RAD54B: variants seen among roughly 807,000 people sequenced by gnomAD.
The protein encoded by RAD54B is DNA repair and recombination protein RAD54B.
In RAD54B, 78 loss-of-function variants were observed where a neutral mutation model predicts 95.8. The ratio of observed to expected loss-of-function variants is 0.81; its 90% CI spans 0.68 to 0.98. The LOEUF (loss-of-function observed/expected upper bound fraction) is 0.98, where lower values mean the gene tolerates loss of function less well. Ranked by LOEUF, RAD54B falls within the 50% of genes least tolerant of loss-of-function variation. The pLI, the probability that RAD54B is intolerant of heterozygous loss-of-function variation, is 0.00. For synonymous variants in RAD54B, 328 were observed against 354.9 expected, an observed-to-expected ratio of 0.92 and a Z score of 0.85; for missense variants, 957 against 1,056.6, an observed-to-expected ratio of 0.91 and a Z score of 1.31.
chr8:94,425,229 C>A (rs1031607130), intron 3 of RAD54B, among the ~76,000 whole-genome samples: 1 of 114,942 alleles, frequency 8.7e-6, no homozygotes. Flanking sequence ...CTTTAATATT[C>A]TTTTTTTTTT....
chr8:94,423,994 G>A (rs1162905682), intron 3 of RAD54B, among the ~76,000 whole-genome samples: 1 of 152,100 alleles, frequency 6.6e-6, no homozygotes, highest in Non-Finnish European at 1.5e-5. Flanking sequence ...AAACATCCTG[G>A]AGTAAAATAC....
intron 6 of RAD54B, among the ~76,000 whole-genome samples, chr8:94,400,785 C>T (rs1391505062): frequency 6.6e-6 from 1 of 152,122 alleles, no homozygotes; most frequent in East Asian, 1.9e-4. Context: ...TGTTTCTCAT[C>T]ACTAAGAGTT....
rs186237152 is a variant in RAD54B at position 94,465,600 on chromosome 8, C to T, written c.135+1805G>A. Among the ~76,000 whole-genome samples the T allele has an allele frequency of 7.2e-5, 11 of 152,288 alleles. No homozygotes were observed. The East Asian group carries it at 1.5e-3, about 21-fold the overall frequency. On this transcript the variant is annotated intron_variant, in intron 2 of 14. Transcript: ENST00000336148. ...GGTACAGCTATGAAAAACAGTTTGACGGTTCCTCAGAAAGCTAAACACAGA... is the reference window on the plus strand; with the variant it reads ...GGTACAGCTATGAAAAACAGTTTGATGGTTCCTCAGAAAGCTAAACACAGA...
intron 12 of RAD54B, among the ~76,000 whole-genome samples, chr8:94,379,334 C>A (rs534385623): frequency 2.1e-4 from 32 of 152,222 alleles, no homozygotes; most frequent in African/African-American, 7.5e-4. Flanking sequence ...AGAACTGACC[C>A]CAAACAAAAT....
At chr8:94,387,498 T>C in intron 10 of RAD54B, 1 of 175,364 alleles carries the variant, frequency 5.7e-6, no homozygotes. Context: ...ACAAAATCCA[T>C]CCTCTCCAAA....
intron 3 of RAD54B, chr8:94,430,682 C>T (rs1812069983): frequency 1.2e-6 from 1 of 818,908 alleles, no homozygotes; most frequent in Admixed American, 6.2e-5. Flanking sequence ...CAGTGAGGCC[C>T]ACTCACATGT....
intron 3 of RAD54B, chr8:94,432,699 A>C (rs1163154654): frequency 7.1e-7 from 1 of 1,415,224 alleles, no homozygotes; most frequent in Non-Finnish European, 9.2e-7. Flanking sequence ...AATCAAATGA[A>C]GAAAAAGTGT....
rs1408230776 is a variant in RAD54B, at chr8:94,400,330, T to C, written c.1078A>G (p.Ile360Val). Residue 360 changes from isoleucine to valine, a missense_variant, in exon 7 of 15, where the codon ATT (isoleucine) becomes GTT (valine). Transcript: ENST00000336148. Reference protein sequence around the residue: ...GGKPVIKKTLIVTPGSLVNNW... With the variant: ...GGKPVIKKTLVVTPGSLVNNW... ...TTCACCAAGCTTCCAGGTGTGACAA[T>C]TAGTGTCTTCTTTATTACTGGCTTG... The C allele has an allele frequency of 1.2e-6, 2 of 1,613,782 alleles. No homozygotes were observed. Among genetic ancestry groups the C allele is most frequent in the Non-Finnish European group, 1.7e-6 (2 of 1,179,928 alleles).
At chr8:94,375,952 A>C (rs1419023883) in intron 14 of RAD54B, among the ~76,000 whole-genome samples, 1 of 152,192 alleles carries the variant, frequency 6.6e-6, no homozygotes, top group Non-Finnish European at 1.5e-5. Context: ...TAGGAGGAAG[A>C]GTTTTCACCA....
Position 94,407,508 on chromosome 8 carries a change from G to A in RAD54B, c.712C>T (p.Pro238Ser), listed in dbSNP as rs148201396. 8 of 1,613,730 alleles carry A rather than the reference G, an allele frequency of 5.0e-6. No homozygotes were observed. The highest frequency in any genetic ancestry group is 1.1e-5 in the South Asian group (1 of 91,060). ...FSNPFKSVCK[P>S]SSKENRQNDF... ...TTCTGTCTATTTTCCTTTGAACTTG[G>A]TTTACAAACACTTTTGAAAGGGTTA... Residue 238 changes from proline (P) to serine (S), a missense_variant, in exon 5 of 15, where the codon CCA becomes TCA. Physicochemically the swap from Pro to Ser is moderately conservative, Grantham distance 74. Coordinates refer to ENST00000336148, the MANE Select transcript of RAD54B (RefSeq NM_012415.3).
intron 3 of RAD54B, among the ~76,000 whole-genome samples, chr8:94,451,912 C>T (rs978423315): frequency 2.0e-5 from 3 of 152,062 alleles, no homozygotes; most frequent in Non-Finnish European, 2.9e-5. Flanking sequence ...CCATAAAGGA[C>T]GTTGTCTTAG....
At chr8:94,471,622 T>C (rs997242033) in intron 1 of RAD54B, among the ~76,000 whole-genome samples, 3 of 152,034 alleles carry the variant, frequency 2.0e-5, no homozygotes, top group Non-Finnish European at 4.4e-5. Flanking sequence ...TACACAATCG[T>C]TTTTTAAAAA....
intron 8 of RAD54B, among the ~76,000 whole-genome samples, chr8:94,397,502 T>C (rs1041659658): frequency 6.6e-6 from 1 of 152,096 alleles, no homozygotes; most frequent in African/African-American, 2.4e-5. Flanking sequence ...AATGAAACAA[T>C]CTCACTGGTT....
At chr8:94,406,308 A>G (rs758757650) in intron 5 of RAD54B, among the ~76,000 whole-genome samples, 3 of 152,190 alleles carry the variant, frequency 2.0e-5, no homozygotes, top group Non-Finnish European at 4.4e-5. Context: ...GAATAAGCAC[A>G]GTATTCTTTT....
At chr8:94,392,364 G>A (rs573725035) in intron 9 of RAD54B, among the ~76,000 whole-genome samples, 31 of 150,652 alleles carry the variant, frequency 2.1e-4, no homozygotes, top group African/African-American at 7.6e-4. Flanking sequence ...CGGGTTCAAG[G>A]GAACCTCTTG....
In RAD54B at chr8:94,393,651, T is replaced by C. The variant is rs575782434; in HGVS notation, c.1518+92A>G. 1.4e-4 allele frequency: 174 copies of C among 1,268,854 alleles called. 1 individual carries two copies. The East Asian group carries it at 2.2e-3, about 16-fold the overall frequency. The allele number at this position is 1,268,854 out of a possible 1,614,324, so 78.6% of individuals were successfully genotyped here. On this transcript the variant is annotated intron_variant, in intron 9 of 14. Transcript: ENST00000336148. ...GGAGAAAAATAAAGAGTTCACACTATTGATTTTTCTAAATCAAAATAATAT... is the reference window on the plus strand; with the variant it reads ...GGAGAAAAATAAAGAGTTCACACTACTGATTTTTCTAAATCAAAATAATAT...
rs188766930 is a variant in RAD54B, at chr8:94,425,294, A to G, written c.305-13979T>C. Among the ~76,000 whole-genome samples the G allele has an allele frequency of 1.8e-3, 274 of 148,938 alleles. 11 individuals are homozygous for G. The East Asian group carries it at 0.025, about 14-fold the overall frequency. On this transcript the variant is annotated intron_variant, in intron 3 of 14. Transcript: ENST00000336148. The stretch of plus-strand genomic sequence containing the variant: ...GGTCTCCAACTCCTGGACTCAAGCA[A>G]TCCTCCTGCCTCAGCCTCACAAAGT...
intron 8 of RAD54B, among the ~76,000 whole-genome samples, chr8:94,397,982 T>G (rs1811186865): frequency 6.6e-6 from 1 of 152,060 alleles, no homozygotes; most frequent in Non-Finnish European, 1.5e-5. Flanking sequence ...GTATAACGAA[T>G]CCACTCAGCT....
chr8:94,468,433 G>A (rs1813082207), intron 1 of RAD54B, among the ~76,000 whole-genome samples: 1 of 152,182 alleles, frequency 6.6e-6, no homozygotes, highest in African/African-American at 2.4e-5. Context: ...AAAGGGGCCG[G>A]CGTGGTGGTT....
Sources: gnomAD v4.1 joint callset for allele counts (sites outside exome capture counted in the v4.1 genomes callset) on GRCh38, gnomAD v4.1.1 for gene constraint, MANE v1.5 for transcripts, NCBI Gene and HGNC (gene_info 2026-07-23, HGNC 2026-07-21) for gene names.